The following KLF8 variants were observed in gnomAD, a reference collection of about 807,000 sequenced individuals.
KLF8 encodes the protein Krueppel-like factor 8.
A neutral mutation model predicts 18.2 loss-of-function variants in KLF8; 10 were observed. That is an observed-to-expected ratio of 0.55 (90% CI 0.34 to 0.93). The LOEUF (loss-of-function observed/expected upper bound fraction) is 0.93, where lower values mean the gene tolerates loss of function less well. Ranked by LOEUF, KLF8 falls within the 40% of genes least tolerant of loss-of-function variation. The pLI is 0.02. For missense variants in KLF8, 264 were observed against 277.9 expected, an observed-to-expected ratio of 0.95 and a Z score of 0.36; for synonymous variants, 109 against 97.3, an observed-to-expected ratio of 1.12 and a Z score of -0.71.
the KLF8 span, among the ~76,000 whole-genome samples, chrX:56,221,845 G>A: frequency 9.0e-6 from 1 of 111,654 alleles, no homozygotes; most frequent in Non-Finnish European, 1.9e-5. Flanking sequence ...GACCGGAGGG[G>A]GTTGCCACTG....
At chrX:56,002,834 T>A in the KLF8 span, among the ~76,000 whole-genome samples, 2 of 111,956 alleles carry the variant, frequency 1.8e-5, no homozygotes, top group East Asian at 5.6e-4. Flanking sequence ...GGTATCTAAT[T>A]GTCTTTTTTC....
At chrX:55,930,199 T>C in the KLF8 span, among the ~76,000 whole-genome samples, 1 of 112,099 alleles carries the variant, frequency 8.9e-6, no homozygotes, top group South Asian at 3.7e-4. Flanking sequence ...GTTATTGTTG[T>C]ATAGGAATGC....
At chrX:56,079,237 G>A in the KLF8 span, among the ~76,000 whole-genome samples, 2 of 110,875 alleles carry the variant, frequency 1.8e-5, no homozygotes, top group African/African-American at 6.6e-5. Context: ...GGGATGTTAG[G>A]GTGTCAATTT....
the KLF8 span, among the ~76,000 whole-genome samples, chrX:56,095,133 C>T: frequency 9.0e-6 from 1 of 111,415 alleles, no homozygotes; most frequent in African/African-American, 3.2e-5. Context: ...CATGTAAATC[C>T]ATGGAACAGA....
At chrX:56,210,712 T>A in the KLF8 span, among the ~76,000 whole-genome samples, 1 of 109,963 alleles carries the variant, frequency 9.1e-6, no homozygotes. Context: ...TCCTGAGGCA[T>A]GTTTCATTTT....
intron 5 of KLF8, among the ~76,000 whole-genome samples, chrX:56,279,863 G>T (rs2067175431): frequency 8.9e-6 from 1 of 111,980 alleles, no homozygotes; most frequent in Non-Finnish European, 1.9e-5. Flanking sequence ...TTAGACATTT[G>T]TACCTAACCT....
the KLF8 span, among the ~76,000 whole-genome samples, chrX:56,009,013 C>A: frequency 1.8e-5 from 2 of 111,502 alleles, no homozygotes; most frequent in South Asian, 3.8e-4. Flanking sequence ...TTTCCTCCTG[C>A]TGGCTCTGAA....
chrX:56,068,012 C>G, the KLF8 span, among the ~76,000 whole-genome samples: 1 of 112,082 alleles, frequency 8.9e-6, no homozygotes, highest in South Asian at 3.7e-4. Context: ...CCAATGGTAG[C>G]CAAAGTGGAA....
chrX:56,192,388 C>T, the KLF8 span, among the ~76,000 whole-genome samples: 4 of 111,268 alleles, frequency 3.6e-5, no homozygotes, highest in Non-Finnish European at 5.7e-5. Flanking sequence ...TTAATATATA[C>T]TACAAAAAGC....
the KLF8 span, among the ~76,000 whole-genome samples, chrX:56,171,564 A>G: frequency 9.1e-6 from 1 of 109,603 alleles, no homozygotes; most frequent in Non-Finnish European, 1.9e-5. Flanking sequence ...GATGTTCCCC[A>G]CCCTGTGTCC....
chrX:56,105,008 C>T, the KLF8 span, among the ~76,000 whole-genome samples: 8 of 111,874 alleles, frequency 7.2e-5, no homozygotes, highest in African/African-American at 2.6e-4. Flanking sequence ...GTTCAGTTTC[C>T]ATGTAGTTGT....
At chrX:56,053,575 G>A in the KLF8 span, among the ~76,000 whole-genome samples, 7 of 81,106 alleles carry the variant, frequency 8.6e-5, no homozygotes, top group East Asian at 1.5e-3. Context: ...AGTTTCAGCC[G>A]GAATGATACC....
At chrX:55,953,065 C>T in the KLF8 span, among the ~76,000 whole-genome samples, 1 of 111,414 alleles carries the variant, frequency 9.0e-6, no homozygotes, top group South Asian at 3.8e-4. Flanking sequence ...GTACTCTTGA[C>T]TTTAAGGGCT....
the KLF8 span, among the ~76,000 whole-genome samples, chrX:56,061,945 T>C: frequency 2.8e-5 from 3 of 107,675 alleles, no homozygotes; most frequent in Non-Finnish European, 5.7e-5. Flanking sequence ...TGTTTGTTGG[T>C]TTAAAGTCTG....
At chrX:56,157,514 A>G in the KLF8 span, among the ~76,000 whole-genome samples, 1 of 110,774 alleles carries the variant, frequency 9.0e-6, no homozygotes, top group Non-Finnish European at 1.9e-5. Context: ...CAACAATGTA[A>G]AAGTGTTCCT....
At chrX:56,170,942 A>T in the KLF8 span, among the ~76,000 whole-genome samples, 2 of 112,054 alleles carry the variant, frequency 1.8e-5, no homozygotes, top group African/African-American at 6.5e-5. Flanking sequence ...GTAGGAGAAA[A>T]GAAACAAATA....
the KLF8 span, among the ~76,000 whole-genome samples, chrX:56,216,567 C>T: frequency 1.9e-5 from 2 of 105,655 alleles, no homozygotes; most frequent in Non-Finnish European, 1.9e-5. Context: ...TTAGCAACAT[C>T]GTCTTGTTAT....
chrX:56,168,021 T>G, the KLF8 span, among the ~76,000 whole-genome samples: 1 of 112,034 alleles, frequency 8.9e-6, no homozygotes, highest in South Asian at 3.7e-4. Flanking sequence ...CAGTGGAGAT[T>G]TTTATCAATT....
chrX:56,221,081 C>CA, the KLF8 span, among the ~76,000 whole-genome samples: 1 of 111,812 alleles, frequency 8.9e-6, no homozygotes, highest in South Asian at 3.8e-4. Flanking sequence ...TGCACATAAG[C>CA]ATAATAAGCC....
Sources: gnomAD v4.1 joint callset for allele counts (sites outside exome capture counted in the v4.1 genomes callset) on GRCh38, gnomAD v4.1.1 for gene constraint, MANE v1.5 for transcripts, NCBI Gene and HGNC (gene_info 2026-07-23, HGNC 2026-07-21) for gene names.